The following KCNH1 variants were observed in gnomAD, a reference collection of about 807,000 sequenced individuals.
KCNH1 encodes potassium voltage-gated channel subfamily H member 1.
In KCNH1, 27 loss-of-function variants were observed where a neutral mutation model predicts 69.2. The ratio of observed to expected loss-of-function variants is 0.39; its 90% CI spans 0.29 to 0.54. The LOEUF (loss-of-function observed/expected upper bound fraction) is 0.54, where lower values mean the gene tolerates loss of function less well. Ranked by LOEUF, KCNH1 falls within the 20% of genes least tolerant of loss-of-function variation. KCNH1 has a pLI of 0.68. For synonymous variants in KCNH1, 456 were observed against 487.7 expected (o/e 0.93, Z 0.86); for missense variants, 798 against 1,261.6 (o/e 0.63, Z 5.57).
intron 7 of KCNH1, among the ~76,000 whole-genome samples, chr1:210,821,382 T>C (rs1258278686): frequency 2.0e-5 from 3 of 152,336 alleles, no homozygotes; most frequent in African/African-American, 7.2e-5. Context: ...AATCCACTCA[T>C]GTAGACCATT....
intron 2 of KCNH1, among the ~76,000 whole-genome samples, chr1:211,104,682 C>A (rs1250475728): frequency 6.6e-6 from 1 of 152,114 alleles, no homozygotes; most frequent in Non-Finnish European, 1.5e-5. Flanking sequence ...CAAAGGCTGC[C>A]CACGGGCCCA....
chr1:210,858,834 A>G, intron 7 of KCNH1: 1 of 209,902 alleles, frequency 4.8e-6, no homozygotes, highest in South Asian at 1.0e-4. Flanking sequence ...TCCTCAGAAA[A>G]AGAAAAGCTG....
At chr1:211,023,115 A>T (rs867709876) in intron 5 of KCNH1, among the ~76,000 whole-genome samples, 6 of 98,478 alleles carry the variant, frequency 6.1e-5, no homozygotes, top group Non-Finnish European at 9.1e-5. Context: ...TGTCTCAGAA[A>T]AAATAAATAA....
At chr1:211,066,313 T>C (rs4951715) in intron 5 of KCNH1, among the ~76,000 whole-genome samples, 6,663 of 152,218 alleles carry the variant, frequency 0.044, 268 homozygotes, top group East Asian at 0.12. Context: ...GCAAATTGAG[T>C]ATCCTTTTTC....
At chr1:211,074,928 C>T (rs867731680) in intron 5 of KCNH1, among the ~76,000 whole-genome samples, 5 of 152,160 alleles carry the variant, frequency 3.3e-5, no homozygotes, top group African/African-American at 7.2e-5. Context: ...CAATTCTTTG[C>T]AATAAATCTC....
chr1:211,083,084 C>CT (rs1173598289), intron 4 of KCNH1, among the ~76,000 whole-genome samples, 186 bp from the exon 5 acceptor site: 1 of 152,246 alleles, frequency 6.6e-6, no homozygotes. Flanking sequence ...TCGCAACTTG[C>CT]TTTTCCCCTG....
intron 10 of KCNH1, among the ~76,000 whole-genome samples, chr1:210,694,635 C>T (rs1574186860): frequency 6.6e-6 from 1 of 152,238 alleles, no homozygotes; most frequent in Admixed American, 6.5e-5. Flanking sequence ...TAGTCCCAGG[C>T]CCCCTGGGGA....
intron 10 of KCNH1, among the ~76,000 whole-genome samples, chr1:210,731,777 C>T (rs547355400): frequency 6.6e-6 from 1 of 152,238 alleles, no homozygotes; most frequent in East Asian, 1.9e-4. Context: ...TTATTAAGCC[C>T]ACAAACCATT....
At chr1:210,798,618 G>A (rs1480644077) in intron 8 of KCNH1, among the ~76,000 whole-genome samples, 1 of 152,162 alleles carries the variant, frequency 6.6e-6, no homozygotes, top group Non-Finnish European at 1.5e-5. Flanking sequence ...ATCTGAAGAA[G>A]ATCATTGAAG....
Position 210,912,430 on chromosome 1 carries a change from G to T in KCNH1, c.1462+7210C>A, listed in dbSNP as rs1397920851. ...CTAAAAAGCTTTGTATCTAAGGAACGTCATATCCAGATATACTTATATTTA... is the reference window on the plus strand; with the variant it reads ...CTAAAAAGCTTTGTATCTAAGGAACTTCATATCCAGATATACTTATATTTA... On this transcript the variant is annotated intron_variant, in intron 7 of 10. Transcript: ENST00000271751. Among the ~76,000 whole-genome samples the T allele has an allele frequency of 2.0e-5, 3 of 152,084 alleles. No individual in the cohort carries two copies. The East Asian group carries it at 5.8e-4, about 29-fold the overall frequency.
At chr1:210,712,284 C>T (rs1682097663) in intron 10 of KCNH1, among the ~76,000 whole-genome samples, 1 of 152,186 alleles carries the variant, frequency 6.6e-6, no homozygotes, top group Non-Finnish European at 1.5e-5. Context: ...ATGAACTAAA[C>T]ATAAAACAAG....
intron 10 of KCNH1, among the ~76,000 whole-genome samples, chr1:210,739,911 T>C (rs948246440): frequency 6.6e-6 from 1 of 152,014 alleles, no homozygotes; most frequent in Non-Finnish European, 1.5e-5. Context: ...ATTCTGCAGA[T>C]AGAAAAGCTC....
chr1:210,997,096 G>T (rs181228318), intron 6 of KCNH1, among the ~76,000 whole-genome samples: 31 of 152,302 alleles, frequency 2.0e-4, no homozygotes, highest in South Asian at 1.0e-3. Context: ...ACTCTAAAAA[G>T]CAGAGTGCCT....
intron 5 of KCNH1, among the ~76,000 whole-genome samples, chr1:211,068,161 A>AT (rs1252544923): frequency 5.9e-5 from 9 of 152,174 alleles, no homozygotes; most frequent in South Asian, 2.1e-4. Context: ...CTTTGTGTCA[A>AT]TTTTTTCCTA....
chr1:210,913,827 T>G (rs1420701561), intron 7 of KCNH1, among the ~76,000 whole-genome samples: 2 of 152,172 alleles, frequency 1.3e-5, no homozygotes, highest in Admixed American at 6.5e-5. Context: ...AAATACTATA[T>G]TTCTATATTT....
chr1:211,088,832 AGTAT>A lies in KCNH1; in HGVS notation c.439+1726_439+1729del, dbSNP rs139606860. ...GTGTATCTCCTCATGAGTGTCTGTA[AGTAT>A]GTATGTGTGTGTACCAAAACTCTTA... On this transcript the variant is annotated intron_variant, in intron 4 of 10. Coordinates refer to ENST00000271751, the MANE Select transcript of KCNH1 (RefSeq NM_172362.3). Among the ~76,000 whole-genome samples the A allele has an allele frequency of 8.4e-3, 1,281 of 152,328 alleles. 10 individuals are homozygous for A. The highest frequency in any genetic ancestry group is 0.03 in the African/African-American group (1,228 of 41,576).
Position 210,775,500 on chromosome 1 carries a change from G to A in KCNH1, c.1960C>T (p.Leu654Phe). 2 of 1,614,010 alleles carry A rather than the reference G, an allele frequency of 1.2e-6. No individual in the cohort carries two copies. The highest frequency in any genetic ancestry group is 1.7e-6 in the Non-Finnish European group (2 of 1,179,924). ...CTAACATTGGCACAGGACTGGGCAA[G>A]GGTGGCTTCCTTCCAGAACACATCT... ...FGDVFWKEAT[L>F]AQSCANVRAL... The change falls in exon 10 of 11, where the codon CTT becomes TTT. Residue 654 changes from leucine (L) to phenylalanine (F), a missense_variant. Leu to Phe is a conservative substitution (Grantham distance 22). This residue lies in a region of KCNH1 where 197 missense variants were observed against 407.7 expected (regional missense o/e 0.48). Transcript: ENST00000271751.
At chr1:210,751,351 T>G (rs920136659) in intron 10 of KCNH1, among the ~76,000 whole-genome samples, 2 of 152,198 alleles carry the variant, frequency 1.3e-5, no homozygotes, top group Non-Finnish European at 2.9e-5. Context: ...ATGCCCATCC[T>G]CACACGAAGA....
intron 8 of KCNH1, among the ~76,000 whole-genome samples, chr1:210,798,079 T>C (rs1319510592): frequency 1.4e-5 from 2 of 142,254 alleles, no homozygotes; most frequent in African/African-American, 2.7e-5. Context: ...TTGCTCTGTC[T>C]CCCAGGCTGG....
Sources: allele counts gnomAD v4.1 joint callset (sites outside exome capture counted in the v4.1 genomes callset), GRCh38; gene constraint gnomAD v4.1.1; regional missense constraint gnomAD v4.1.1; transcripts MANE v1.5; gene names NCBI Gene and HGNC (gene_info 2026-07-23, HGNC 2026-07-21).